Variants in TPRG1 observed in about 807,000 individuals in gnomAD.
The protein encoded by TPRG1 is tumor protein p63-regulated gene 1 protein.
A neutral mutation model predicts 29.3 loss-of-function variants in TPRG1; 29 were observed. The observed-to-expected ratio is 0.99, with a 90% confidence interval of 0.74 to 1.35. The LOEUF (loss-of-function observed/expected upper bound fraction) is 1.35. TPRG1 is among the 40% of genes most tolerant of loss of function. TPRG1 has a pLI of 0.00. For synonymous variants in TPRG1, 130 were observed against 116.8 expected, an observed-to-expected ratio of 1.11 and a Z score of -0.73; for missense variants, 327 against 335.0, an observed-to-expected ratio of 0.98 and a Z score of 0.19.
chr3:189,218,339 A>G (rs1030149840), intron 3 of TPRG1, among the ~76,000 whole-genome samples: 3 of 151,970 alleles, frequency 2.0e-5, no homozygotes, highest in Non-Finnish European at 2.9e-5. Context: ...GGTGGCCTCT[A>G]TCTCCTGACC....
intron 2 of TPRG1, among the ~76,000 whole-genome samples, chr3:189,128,615 C>T (rs1722758163): frequency 6.6e-6 from 1 of 152,028 alleles, no homozygotes; most frequent in Non-Finnish European, 1.5e-5. Flanking sequence ...CCCTCATGTT[C>T]CTTATCTCAT....
intron 1 of TPRG1, among the ~76,000 whole-genome samples, chr3:189,206,282 T>A (rs1416988230): frequency 1.3e-5 from 2 of 151,838 alleles, no homozygotes; most frequent in Non-Finnish European, 1.5e-5. Flanking sequence ...ACTCACACTT[T>A]CAGTGATAAC....
At chr3:189,204,341 T>C (rs753003229) in intron 1 of TPRG1, among the ~76,000 whole-genome samples, 14 of 152,142 alleles carry the variant, frequency 9.2e-5, no homozygotes, top group Non-Finnish European at 1.6e-4. Context: ...TACTATTGAA[T>C]TGGGAATGAA....
At chr3:189,292,954 G>A (rs559334102) in intron 4 of TPRG1, among the ~76,000 whole-genome samples, 27 of 152,230 alleles carry the variant, frequency 1.8e-4, no homozygotes, top group African/African-American at 6.3e-4. Context: ...TCTGAGACAG[G>A]CCAAAATTCA....
At chr3:189,206,375 C>G (rs1157525216) in intron 1 of TPRG1, among the ~76,000 whole-genome samples, 1 of 151,744 alleles carries the variant, frequency 6.6e-6, no homozygotes, top group Non-Finnish European at 1.5e-5. Flanking sequence ...TGGTGTTAGA[C>G]TCAATGTTGC....
At chr3:189,246,236 G>A (rs1741365929) in intron 4 of TPRG1, among the ~76,000 whole-genome samples, 1 of 152,066 alleles carries the variant, frequency 6.6e-6, no homozygotes, top group African/African-American at 2.4e-5. Flanking sequence ...ACGTCCCTTT[G>A]CTCCTCCTTC....
At chr3:189,134,492 G>A (rs1023963023) in intron 3 of TPRG1, among the ~76,000 whole-genome samples, 13 of 145,492 alleles carry the variant, frequency 8.9e-5, no homozygotes, top group Admixed American at 4.2e-4. Flanking sequence ...AGCTCACTGC[G>A]GCCTTGACTT....
intron 4 of TPRG1, among the ~76,000 whole-genome samples, chr3:189,239,722 G>A (rs1170568415): frequency 6.6e-6 from 1 of 152,142 alleles, no homozygotes; most frequent in African/African-American, 2.4e-5. Context: ...TCAGTGGATA[G>A]AACCAAAATG....
chr3:189,209,774 C>T (rs116593123), intron 2 of TPRG1, among the ~76,000 whole-genome samples: 1,606 of 152,200 alleles, frequency 0.011, 31 homozygotes, highest in African/African-American at 0.036. Context: ...CCAATCAATG[C>T]GAAGAATATC....
intron 3 of TPRG1, chr3:189,219,734 C>G: frequency 8.3e-7 from 1 of 1,201,382 alleles, no homozygotes; most frequent in East Asian, 6.8e-5. Context: ...CCTCCACACA[C>G]GTTAGTGTGA....
chr3:189,096,911 T>C (rs998675867), upstream of TPRG1, among the ~76,000 whole-genome samples: 1 of 152,196 alleles, frequency 6.6e-6, no homozygotes, highest in African/African-American at 2.4e-5. Flanking sequence ...CTCTCTCTTT[T>C]TTGCTACCAC....
intron 3 of TPRG1, among the ~76,000 whole-genome samples, chr3:189,008,007 C>G (rs1423392567): frequency 1.9e-4 from 29 of 149,310 alleles, no homozygotes; most frequent in Admixed American, 1.4e-3. Context: ...TGTAACTAAC[C>G]TGCACAATGT....
chr3:189,206,851 G>A (rs1270822922), intron 1 of TPRG1, among the ~76,000 whole-genome samples: 4 of 147,056 alleles, frequency 2.7e-5, no homozygotes, highest in African/African-American at 7.9e-5. Flanking sequence ...GCATGTGCGT[G>A]TGTGTGAGTC....
chr3:189,132,737 A>T (rs1417669635), intron 3 of TPRG1: 1 of 152,214 alleles, frequency 6.6e-6, no homozygotes, highest in East Asian at 1.9e-4. Flanking sequence ...AGAATCAGCT[A>T]CTCAAATCTG....
At chr3:189,068,503 G>A (rs984277682) in intron 4 of TPRG1, among the ~76,000 whole-genome samples, 1 of 152,182 alleles carries the variant, frequency 6.6e-6, no homozygotes, top group Non-Finnish European at 1.5e-5. Flanking sequence ...TTGGCTGGAC[G>A]CAGTGGCTCA....
intron 1 of TPRG1, among the ~76,000 whole-genome samples, chr3:189,104,878 T>C (rs935438187): frequency 1.3e-5 from 2 of 152,084 alleles, no homozygotes; most frequent in Non-Finnish European, 2.9e-5. Context: ...CTCCTCTGGC[T>C]CCATAATTTT....
At chr3:189,270,963 G>A (rs1429722703) in intron 4 of TPRG1, among the ~76,000 whole-genome samples, 2 of 152,076 alleles carry the variant, frequency 1.3e-5, no homozygotes, top group Middle Eastern at 3.2e-3. Context: ...CTCATGATAC[G>A]TTAGCATCCT....
chr3:189,096,454 A>G (rs920085494), upstream of TPRG1, among the ~76,000 whole-genome samples: 1 of 152,132 alleles, frequency 6.6e-6, no homozygotes, highest in Admixed American at 6.5e-5. Flanking sequence ...CTTCCTATTA[A>G]ATTATGAGCT....
Position 189,320,247 on chromosome 3 carries a change from A to C in TPRG1, c.634-379A>C, listed in dbSNP as rs138474436. 5.6e-3 allele frequency among the ~76,000 whole-genome samples: 850 copies of C among 152,206 alleles called. 9 individuals are homozygous for C. The highest frequency in any genetic ancestry group is 0.019 in the African/African-American group (775 of 41,536). ...AGTAATTTCAGATGCCCTTTCATCT[A>C]TTAGTGACAAAGAGAGTCAGTTTAC... On this transcript the variant is annotated intron_variant, in intron 5 of 5. Transcript: ENST00000345063.
Sources: gnomAD v4.1 joint callset for allele counts (sites outside exome capture counted in the v4.1 genomes callset) on GRCh38, gnomAD v4.1.1 for gene constraint, MANE v1.5 for transcripts, NCBI Gene and HGNC (gene_info 2026-07-23, HGNC 2026-07-21) for gene names.